The following BNC2 variants were observed in gnomAD, a reference collection of about 807,000 sequenced individuals.
The protein encoded by BNC2 is zinc finger protein basonuclin-2.
In BNC2, 20 loss-of-function variants were observed where a neutral mutation model predicts 76.3. That is an observed-to-expected ratio of 0.26 (90% CI 0.18 to 0.38). The LOEUF (loss-of-function observed/expected upper bound fraction) is 0.38, where lower values mean the gene tolerates loss of function less well. Among genes scored for constraint, BNC2 ranks in the 10% least tolerant of loss-of-function variants. The pLI is 1.00. For missense variants in BNC2, 1,382 were observed against 1,399.8 expected, an observed-to-expected ratio of 0.99 and a Z score of 0.20; for synonymous variants, 582 against 514.8, an observed-to-expected ratio of 1.13 and a Z score of -1.77.
At chr9:16,583,134 A>G in intron 3 of BNC2, 49 bp from the exon 4 acceptor site, 3 of 1,437,532 alleles carry the variant, frequency 2.1e-6, no homozygotes, top group Middle Eastern at 1.7e-4. Context: ...CAAAGATACT[A>G]TACTCTTTTC....
chr9:16,807,696 T>C (rs908283165), intron 1 of BNC2, among the ~76,000 whole-genome samples: 14 of 152,326 alleles, frequency 9.2e-5, no homozygotes, highest in Admixed American at 2.6e-4. Context: ...ATTGAACCCA[T>C]TGAGGATAAA....
chr9:16,751,939 G>T (rs1056309234), intron 1 of BNC2, among the ~76,000 whole-genome samples: 2 of 151,974 alleles, frequency 1.3e-5, no homozygotes, highest in African/African-American at 2.4e-5. Flanking sequence ...TGAGGCAAAA[G>T]AATTGCTTGA....
chr9:16,631,574 A>C (rs1387176369), intron 3 of BNC2, among the ~76,000 whole-genome samples: 2 of 152,238 alleles, frequency 1.3e-5, no homozygotes, highest in African/African-American at 2.4e-5. Context: ...TTATTAAAGA[A>C]GCATTCAAAG....
intron 3 of BNC2, among the ~76,000 whole-genome samples, chr9:16,667,319 G>C (rs879851587): frequency 6.6e-6 from 1 of 152,020 alleles, no homozygotes; most frequent in Non-Finnish European, 1.5e-5. Context: ...AAATTTAACC[G>C]GCCTATACAA....
chr9:16,583,378 A>T (rs1819682282), intron 3 of BNC2, among the ~76,000 whole-genome samples: 1 of 152,228 alleles, frequency 6.6e-6, no homozygotes, highest in East Asian at 1.9e-4. Flanking sequence ...GATTTACGAC[A>T]TCACAAATCC....
At chr9:16,860,577 A>G (rs2136204316) in intron 1 of BNC2, among the ~76,000 whole-genome samples, 1 of 152,334 alleles carries the variant, frequency 6.6e-6, no homozygotes, top group Admixed American at 6.5e-5. Context: ...GTGGGAGCTC[A>G]AACTGTAAGA....
chr9:16,696,486 T>C (rs551528208), intron 3 of BNC2, among the ~76,000 whole-genome samples: 26 of 152,328 alleles, frequency 1.7e-4, no homozygotes, highest in Non-Finnish European at 3.5e-4. Context: ...AATTTCCTGA[T>C]ACCTTTGGAT....
Position 16,766,082 on chromosome 9 carries a change from C to T in BNC2, c.4-27597G>A, listed in dbSNP as rs563394136. ...GATTACAGGCGTGAGCCACCGCGCC[C>T]GGCACTCATAATTTCTTAAGTGTAC... On this transcript the variant is annotated intron_variant, in intron 1 of 6. Transcript: ENST00000380672. 9.2e-5 allele frequency among the ~76,000 whole-genome samples: 14 copies of T among 152,260 alleles called. No individual in the cohort carries two copies. The South Asian group carries it at 1.2e-3, about 14-fold the overall frequency.
chr9:16,496,402 A>G (rs968257494), intron 5 of BNC2, among the ~76,000 whole-genome samples: 1 of 152,218 alleles, frequency 6.6e-6, no homozygotes, highest in Non-Finnish European at 1.5e-5. Flanking sequence ...CTTTAGAACT[A>G]GGATTGGACT....
intron 3 of BNC2, among the ~76,000 whole-genome samples, chr9:16,649,047 A>G (rs1274911609): frequency 6.6e-6 from 1 of 152,222 alleles, no homozygotes; most frequent in Non-Finnish European, 1.5e-5. Flanking sequence ...TATCTTTGAT[A>G]TGTAAGTGTG....
chr9:16,438,099 T>G (rs191357171), intron 5 of BNC2, among the ~76,000 whole-genome samples: 18 of 151,872 alleles, frequency 1.2e-4, no homozygotes, highest in Admixed American at 1.2e-3. Flanking sequence ...ACCTTGTTAC[T>G]AAACTGTATC....
intron 6 of BNC2, among the ~76,000 whole-genome samples, chr9:16,431,008 CA>C (rs1820897779): frequency 6.6e-6 from 1 of 152,278 alleles, no homozygotes; most frequent in African/African-American, 2.4e-5. Flanking sequence ...GCTTACCTTT[CA>C]GATGAAATTT....
intron 1 of BNC2, among the ~76,000 whole-genome samples, chr9:16,849,128 T>C (rs888388890): frequency 6.6e-6 from 1 of 151,940 alleles, no homozygotes; most frequent in African/African-American, 2.4e-5. Flanking sequence ...AATTCCAGAG[T>C]TTCAGAGAGC....
chr9:16,469,857 A>G (rs917585925), intron 5 of BNC2, among the ~76,000 whole-genome samples: 2 of 152,200 alleles, frequency 1.3e-5, no homozygotes, highest in African/African-American at 4.8e-5. Flanking sequence ...GTTTTAGCAA[A>G]GAGACTGGCA....
Position 16,419,004 on chromosome 9 carries a change from G to T in BNC2, c.3285C>A (p.Phe1095Leu). ...CATTCTGAGACTAATCTACTGAAGT[G>T]AAGGGAATGTTTTTGTGGAGATTAG... ...QNPNLHKNIPFTSVD is the reference protein window; with the variant it reads ...QNPNLHKNIPLTSVD The change falls in exon 7 of 7, where the codon TTC (phenylalanine) becomes TTA (leucine). Residue 1095 changes from phenylalanine (F) to leucine (L), a missense_variant. Physicochemically the swap from Phe to Leu is conservative, Grantham distance 22 (BLOSUM62 0). This residue lies in a region of BNC2 where 798 missense variants were observed against 775.5 expected (regional missense o/e 1.03). Transcript: ENST00000380672. The T allele has an allele frequency of 6.2e-7, 1 of 1,614,154 alleles. No individual in the cohort carries two copies. The highest frequency in any genetic ancestry group is 8.5e-7 in the Non-Finnish European group (1 of 1,180,032).
At chr9:16,864,502 G>C (rs1268220631) in intron 1 of BNC2, among the ~76,000 whole-genome samples, 1 of 152,158 alleles carries the variant, frequency 6.6e-6, no homozygotes, top group East Asian at 1.9e-4. Context: ...CCCCGCACAG[G>C]CAAATCTTGG....
chr9:16,673,440 A>AC (rs1238462217), intron 3 of BNC2, among the ~76,000 whole-genome samples: 303 of 149,628 alleles, frequency 2.0e-3, no homozygotes, highest in Middle Eastern at 3.4e-3. Flanking sequence ...TAAAAAAAAA[A>AC]AAAACACACA....
chr9:16,523,466 G>A (rs1478247033), intron 5 of BNC2, among the ~76,000 whole-genome samples: 4 of 137,300 alleles, frequency 2.9e-5, no homozygotes, highest in Non-Finnish European at 4.6e-5. Context: ...GCAAGACCCC[G>A]TCTCAAAACA....
At chr9:16,706,333 T>C (rs999347552) in intron 3 of BNC2, among the ~76,000 whole-genome samples, 2 of 152,210 alleles carry the variant, frequency 1.3e-5, no homozygotes, top group Non-Finnish European at 1.5e-5. Context: ...TTATTATTCC[T>C]CTTCTCTACT....
Sources: allele counts gnomAD v4.1 joint callset (sites outside exome capture counted in the v4.1 genomes callset), GRCh38; gene constraint gnomAD v4.1.1; regional missense constraint gnomAD v4.1.1; transcripts MANE v1.5; gene names NCBI Gene and HGNC (gene_info 2026-07-23, HGNC 2026-07-21).